The following GNA15 variants were observed in gnomAD, a reference collection of about 807,000 sequenced individuals.
GNA15 encodes G protein subunit alpha 15, also known as guanine nucleotide-binding protein subunit alpha-15.
GNA15 carries 23 observed loss-of-function variants against 40.1 expected under a neutral mutation model. The ratio of observed to expected loss-of-function variants is 0.57; its 90% confidence interval spans 0.41 to 0.81. GNA15 has a LOEUF of 0.81. Among genes scored for constraint, GNA15 ranks in the 40% least tolerant of loss-of-function variants. GNA15 has a pLI of 0.00. For missense variants in GNA15, 522 were observed against 515.8 expected (o/e 1.01, Z -0.12); for synonymous variants, 226 against 210.4 (o/e 1.07, Z -0.64).
rs1471158353 is a variant in GNA15 at position 3,157,726 on chromosome 19, A to C, written c.745-2A>C. ...ACTAACCTGCTTCTGCCCCCAACAC[A>C]GAACCGCATGAAGGAGAGCCTCGCA... On this transcript the variant is annotated splice_acceptor_variant, in intron 5 of 6. Transcript: ENST00000262958. LOFTEE classifies it high-confidence loss of function. The C allele has an allele frequency of 6.2e-7, 1 of 1,613,608 alleles. No individual in the cohort carries two copies. Among genetic ancestry groups the C allele is most frequent in the Non-Finnish European group, 8.5e-7 (1 of 1,179,570 alleles).
chr19:3,145,360 T>TATATATATATATATATATATATATA (rs1555705683), intron 1 of GNA15, among the ~76,000 whole-genome samples: 48 of 21,538 alleles, frequency 2.2e-3, no homozygotes, highest in Non-Finnish European at 2.8e-3. Context: ...TATATATATA[T>TATATATATATATATATATATATATA]TTTTTTTTTT....
intron 1 of GNA15, among the ~76,000 whole-genome samples, chr19:3,148,071 T>G (rs60194717): frequency 0.56 from 84,697 of 151,022 alleles, 23,909 homozygotes; most frequent in East Asian, 0.71. Flanking sequence ...GAGGTCCATG[T>G]TTTGTTTTTT....
At chr19:3,143,872 G>A (rs1914633150) in intron 1 of GNA15, among the ~76,000 whole-genome samples, 1 of 151,912 alleles carries the variant, frequency 6.6e-6, no homozygotes, top group African/African-American at 2.4e-5. Context: ...TGTAATCCCA[G>A]CACTTTGGGA....
At chr19:3,143,450 G>C (rs963356701) in intron 1 of GNA15, among the ~76,000 whole-genome samples, 1 of 151,978 alleles carries the variant, frequency 6.6e-6, no homozygotes, top group Non-Finnish European at 1.5e-5. Flanking sequence ...CCAGGAGTTC[G>C]AGACCAGCCT....
At chr19:3,157,379 C>A (rs1456721029) in intron 5 of GNA15, among the ~76,000 whole-genome samples, 1 of 152,200 alleles carries the variant, frequency 6.6e-6, no homozygotes, top group Admixed American at 6.5e-5. Flanking sequence ...TTAACGACCT[C>A]TTCAAAGACC....
At chr19:3,158,871 G>A (rs529213563) in intron 6 of GNA15, among the ~76,000 whole-genome samples, 53 of 152,214 alleles carry the variant, frequency 3.5e-4, no homozygotes, top group Admixed American at 1.5e-3. Context: ...GACCTCAAGT[G>A]ATCCACCTAC....
chr19:3,156,660 T>G (rs1162252032), intron 5 of GNA15, among the ~76,000 whole-genome samples: 1 of 144,490 alleles, frequency 6.9e-6, no homozygotes, highest in Non-Finnish European at 1.5e-5. Flanking sequence ...GCTCGGCTAA[T>G]TTTTTTTTTG....
At position 3,163,735 on chromosome 19, in the gene GNA15, A is replaced by T. The variant is rs1196387990; in HGVS notation, c.*716A>T. 1 of 152,032 alleles carries T rather than the reference A, an allele frequency of 6.6e-6. No homozygotes were observed. 9.4% of individuals were successfully genotyped at this position (152,032 alleles called of 1,614,324 possible). ...GGCTCCGTGCGGGCTGAAATTAAAG[A>T]TTTCTTAGAGGCTGCGTCGCCAGCG... is the stretch of plus-strand genomic sequence containing the variant. On this transcript the variant is annotated 3_prime_UTR_variant, in exon 7 of 7. Coordinates refer to ENST00000262958, the MANE Select transcript of GNA15 (RefSeq NM_002068.4).
intron 1 of GNA15, among the ~76,000 whole-genome samples, chr19:3,145,360 T>TATATATATATATATATATATATA (rs1555705683): frequency 2.3e-3 from 49 of 21,546 alleles, no homozygotes; most frequent in Non-Finnish European, 3.1e-3. Context: ...TATATATATA[T>TATATATATATATATATATATATA]TTTTTTTTTT....
At position 3,151,734 on chromosome 19, in the gene GNA15, C is replaced by G. The variant is rs368743040; in HGVS notation, c.513C>G (p.Thr171=). ...ACCTGTCCCACCTGGAGCGCATCACCGAGGAGGGCTACGTCCCCACAGCTC... is the reference window on the plus strand; with the variant it reads ...ACCTGTCCCACCTGGAGCGCATCACGGAGGAGGGCTACGTCCCCACAGCTC... ...VYYLSHLERI[T]EEGYVPTAQD... is the part of the protein sequence containing the mutation. The change falls in exon 4 of 7, where the codon ACC becomes ACG. Residue 171 remains threonine (T), a synonymous_variant. Transcript: ENST00000262958. This position sits in a 1 kb window ranked among gnomAD's most constrained non-coding sequence, Gnocchi z 5.0. 6.8e-6 allele frequency: 11 copies of G among 1,607,702 alleles called. No individual in the cohort carries two copies. In the African/African-American group the frequency reaches 1.3e-4, roughly 20 times the overall value.
chr19:3,162,906 C>A lies in GNA15; in HGVS notation c.1012C>A (p.Arg338Ser), dbSNP rs867088858. The stretch of plus-strand genomic sequence containing the variant: ...CAGCAAGAAGGGCGCACGATCCCGA[C>A]GCCTCTTCAGCCACTACACATGTGC... ...EGSKKGARSR[R>S]LFSHYTCATD... The change falls in exon 7 of 7, where the codon CGC becomes AGC. Residue 338 changes from arginine to serine, a missense_variant. Arg to Ser is a moderately radical substitution (Grantham distance 110). Coordinates refer to ENST00000262958, the MANE Select transcript of GNA15 (RefSeq NM_002068.4). 6.2e-7 allele frequency: 1 copy of A among 1,613,472 alleles called. No homozygotes were observed. The highest frequency in any genetic ancestry group is 8.5e-7 in the Non-Finnish European group (1 of 1,179,520).
At chr19:3,157,217 T>TC (rs1434273021) in intron 5 of GNA15, among the ~76,000 whole-genome samples, 4 of 152,204 alleles carry the variant, frequency 2.6e-5, no homozygotes, top group Admixed American at 2.6e-4. Context: ...CAGGCTGGTC[T>TC]CCAACTCCTG....
Position 3,155,951 on chromosome 19 carries a change from A to T in GNA15, c.743A>T (p.Glu248Val). 1.2e-6 allele frequency: 2 copies of T among 1,613,536 alleles called. No individual in the cohort carries two copies. The highest frequency in any genetic ancestry group is 1.7e-6 in the Non-Finnish European group (2 of 1,179,560). ...YDQCLEENNQ[E>V]NRMKESLALF... The stretch of plus-strand genomic sequence containing the variant: ...CAGTGCCTGGAGGAGAACAACCAGG[A>T]GGTGCGCCACCGCCTCCCTCGCCCT... Residue 248 changes from glutamate to valine, a missense_variant and splice_region_variant, in exon 5 of 7, where the codon GAG becomes GTG. Coordinates refer to ENST00000262958, the MANE Select transcript of GNA15 (RefSeq NM_002068.4). This position sits in a 1 kb window ranked among gnomAD's most constrained non-coding sequence, Gnocchi z 5.6.
chr19:3,149,101 A>G (rs1019493890), intron 2 of GNA15: 3 of 311,288 alleles, frequency 9.6e-6, no homozygotes, highest in East Asian at 1.3e-4. Context: ...ACATACACAA[A>G]TGAATGCACA....
intron 6 of GNA15, among the ~76,000 whole-genome samples, chr19:3,159,507 G>A (rs141677110): frequency 8.6e-5 from 13 of 151,702 alleles, no homozygotes; most frequent in East Asian, 3.9e-4. Context: ...CCACCACCCC[G>A]GCTAATTTTG....
intron 4 of GNA15, among the ~76,000 whole-genome samples, chr19:3,154,101 T>C (rs1243075183): frequency 1.4e-5 from 2 of 146,776 alleles, no homozygotes; most frequent in Non-Finnish European, 3.0e-5. Context: ...GATAGACGGA[T>C]AGATGGATGG....
At chr19:3,139,788 C>T (rs1048703495) in intron 1 of GNA15, among the ~76,000 whole-genome samples, 1 of 151,996 alleles carries the variant, frequency 6.6e-6, no homozygotes, top group African/African-American at 2.4e-5. Flanking sequence ...GCAATCACAG[C>T]ACTTTGGGGG....
intron 2 of GNA15, 25 bp from the exon 3 acceptor site, chr19:3,150,106 A>G (rs764349177): frequency 2.2e-5 from 35 of 1,605,564 alleles, no homozygotes; most frequent in Non-Finnish European, 3.0e-5. Context: ...AGGCTACCCT[A>G]ACTGCCCCCG....
rs749833575 is a variant in GNA15, at chr19:3,136,517, C to A, written c.67C>A (p.Arg23=). ...CLTEDEKAAA[R]VDQEINRILL... ...GACGGAGGATGAGAAGGCCGCCGCC[C>A]GGGTGGACCAGGAGATCAACAGGAT... Residue 23 remains arginine (R), a synonymous_variant, in exon 1 of 7, where the codon CGG becomes AGG. Coordinates refer to ENST00000262958, the MANE Select transcript of GNA15 (RefSeq NM_002068.4). The surrounding 1 kb of genome is among the most constrained non-coding windows in gnomAD (Gnocchi z 4.9). 15 of 1,565,430 alleles carry A rather than the reference C, an allele frequency of 9.6e-6. No homozygotes were observed. The highest frequency in any genetic ancestry group is 1.9e-5 in the Admixed American group (1 of 52,836).
Sources: gnomAD v4.1 joint callset for allele counts (sites outside exome capture counted in the v4.1 genomes callset) on GRCh38, gnomAD v4.1.1 for gene constraint, Gnocchi (gnomAD v3.1) non-coding constraint, MANE v1.5 for transcripts, NCBI Gene and HGNC (gene_info 2026-07-23, HGNC 2026-07-21) for gene names.